Variants in EFNB3 observed in about 807,000 individuals in gnomAD.
EFNB3 encodes ephrin B3.
A neutral mutation model predicts 29.8 loss-of-function variants in EFNB3; 14 were observed. That is an observed-to-expected ratio of 0.47 (90% CI 0.31 to 0.73). The LOEUF is 0.73. Ranked by LOEUF, EFNB3 falls within the 30% of genes least tolerant of loss-of-function variation. The pLI, the probability that EFNB3 is intolerant of heterozygous loss-of-function variation, is 0.05. For missense variants in EFNB3, 408 were observed against 458.0 expected (o/e 0.89, Z 1.00); for synonymous variants, 216 against 191.6 (o/e 1.13, Z -1.05).
rs1032464473 is a variant in EFNB3 at position 7,705,939 on chromosome 17, A to G, written c.122+219A>G. Among the ~76,000 whole-genome samples, 44 of 151,444 alleles carry G rather than the reference A, an allele frequency of 2.9e-4. No homozygotes were observed. The highest frequency in any genetic ancestry group is 1.0e-3 in the African/African-American group (43 of 41,248). ...GGTGCTATGGATGTCAGGAGTTTGG[A>G]GACCCCAAAGGGGCAAGGAGAAGAA... On this transcript the variant is annotated intron_variant, in intron 1 of 4. Transcript: ENST00000226091. This position sits in a 1 kb window ranked among gnomAD's most constrained non-coding sequence, Gnocchi z 5.4.
Position 7,708,798 on chromosome 17 carries a change from C to G in EFNB3, c.613+59C>G. ...AGCTTCCTCTGCTCTCAGACCCCAG[C>G]TGCCCTGCCGTCACCCTCCCTCCCT... On this transcript the variant is annotated intron_variant, in intron 4 of 4. Transcript: ENST00000226091. The surrounding 1 kb of genome is among the most constrained non-coding windows in gnomAD (Gnocchi z 6.8). 2.1e-6 allele frequency: 3 copies of G among 1,438,138 alleles called. No individual in the cohort carries two copies. Among genetic ancestry groups the G allele is most frequent in the South Asian group, 2.8e-5 (2 of 72,690 alleles). The allele number at this position is 1,438,138 out of a possible 1,614,324, so 89.1% of individuals were successfully genotyped here. A position where few individuals can be genotyped will look rare whatever the true frequency, so the allele number is the denominator to read the frequency against.
chr17:7,710,035 A>C lies in EFNB3; in HGVS notation c.*459A>C. 4.4e-6 allele frequency: 1 copy of C among 226,092 alleles called. No individual in the cohort carries two copies. The highest frequency in any genetic ancestry group is 8.7e-6 in the Non-Finnish European group (1 of 114,702). The allele number at this position is 226,092 out of a possible 1,614,324, so 14.0% of individuals were successfully genotyped here. A position where few individuals can be genotyped will look rare whatever the true frequency, so the allele number is the denominator to read the frequency against. On this transcript the variant is annotated 3_prime_UTR_variant, in exon 5 of 5. Coordinates refer to ENST00000226091, the MANE Select transcript of EFNB3 (RefSeq NM_001406.4). Reference sequence around the variant, plus strand: ...TCTTCCCTAGCATCCTCCTCCCCACATCTCCTTTCACCCTCTTGGCTTCTT... The same window carrying C: ...TCTTCCCTAGCATCCTCCTCCCCACCTCTCCTTTCACCCTCTTGGCTTCTT...
rs1355283630 is a variant in EFNB3, at chr17:7,709,154, C to T, written c.614-13C>T. 6.3e-7 allele frequency: 1 copy of T among 1,594,792 alleles called. No homozygotes were observed. Among genetic ancestry groups the T allele is most frequent in the East Asian group, 2.2e-5 (1 of 44,638 alleles). ...CCCTCCCCCTCTTTCCTCCTTCACC[C>T]CTTCCCTGCCAGGTGACCCCACCAG... On this transcript the variant is annotated splice_polypyrimidine_tract_variant and intron_variant, in intron 4 of 4. Transcript: ENST00000226091. The surrounding 1 kb of genome is among the most constrained non-coding windows in gnomAD (Gnocchi z 4.5).
chr17:7,710,261 A>G lies in EFNB3; in HGVS notation c.*685A>G, dbSNP rs2074345234. ...ATTCTCTGGCCTGGCCCAGGCCTCT[A>G]CATACTTACTCCAGCCATTTGGGGT... is the stretch of plus-strand genomic sequence containing the variant. On this transcript the variant is annotated 3_prime_UTR_variant, in exon 5 of 5. Transcript: ENST00000226091. The G allele has an allele frequency of 6.4e-6, 1 of 155,890 alleles. No homozygotes were observed. Among genetic ancestry groups the G allele is most frequent in the African/African-American group, 2.4e-5 (1 of 41,484 alleles). The allele number at this position is 155,890 out of a possible 1,614,324, so 9.7% of individuals were successfully genotyped here.
In EFNB3 at chr17:7,709,743, T is replaced by G; in HGVS notation, c.*167T>G. On this transcript the variant is annotated 3_prime_UTR_variant, in exon 5 of 5. Transcript: ENST00000226091. This position sits in a 1 kb window ranked among gnomAD's most constrained non-coding sequence, Gnocchi z 4.5. ...TCTCCACTTTTAGGATTCCTTAGGA[T>G]TCCCACTGCCCCACTTCCTGCCCTC... 2 of 744,532 alleles carry G rather than the reference T, an allele frequency of 2.7e-6. No homozygotes were observed. The highest frequency in any genetic ancestry group is 3.1e-5 in the South Asian group (2 of 64,084). 46.1% of individuals were successfully genotyped at this position (744,532 alleles called of 1,614,324 possible).
At chr17:7,706,135 C>T (rs897525097) in intron 1 of EFNB3, among the ~76,000 whole-genome samples, 1 of 148,674 alleles carries the variant, frequency 6.7e-6, no homozygotes, top group African/African-American at 2.5e-5. Flanking sequence ...CTCCCTCCCC[C>T]AGAGGGACTG....
Position 7,709,365 on chromosome 17 carries a change from G to A in EFNB3, c.812G>A (p.Arg271Lys). The change falls in exon 5 of 5, where the codon AGG becomes AAG. Residue 271 changes from arginine (R) to lysine (K), a missense_variant. Coordinates refer to ENST00000226091, the MANE Select transcript of EFNB3 (RefSeq NM_001406.4). The surrounding 1 kb of genome is among the most constrained non-coding windows in gnomAD (Gnocchi z 4.5). ...SRHPGPGSFGRGGSLGLGGGG... is the reference protein window; with the variant it reads ...SRHPGPGSFGKGGSLGLGGGG... ...CACCCTGGTCCTGGCTCCTTCGGGA[G>A]GGGAGGGTCTCTGGGCCTGGGGGGT... 6.3e-7 allele frequency: 1 copy of A among 1,580,754 alleles called. No individual in the cohort carries two copies. The highest frequency in any genetic ancestry group is 1.2e-5 in the South Asian group (1 of 86,882).
Position 7,705,731 on chromosome 17 carries a change from T to G in EFNB3, c.122+11T>G, listed in dbSNP as rs775843595. The G allele has an allele frequency of 6.4e-7, 1 of 1,559,152 alleles. No homozygotes were observed. The highest frequency in any genetic ancestry group is 1.2e-5 in the South Asian group (1 of 84,208). On this transcript the variant is annotated intron_variant, in intron 1 of 4. Coordinates refer to ENST00000226091, the MANE Select transcript of EFNB3 (RefSeq NM_001406.4). This position sits in a 1 kb window ranked among gnomAD's most constrained non-coding sequence, Gnocchi z 5.4. The stretch of plus-strand genomic sequence containing the variant: ...CTCGGCGAATAAGAGGTGAGTGGCC[T>G]GCGGCTGGGGAGATCCCAGACCCTA...
rs1013397038 is a variant in EFNB3 at position 7,705,807 on chromosome 17, A to C, written c.122+87A>C. 6.9e-6 allele frequency: 10 copies of C among 1,455,114 alleles called. No individual in the cohort carries two copies. Among genetic ancestry groups the C allele is most frequent in the Non-Finnish European group, 8.2e-6 (9 of 1,102,208 alleles). 90.1% of individuals were successfully genotyped at this position (1,455,114 alleles called of 1,614,324 possible). ...GGCTTGGAGGCGGGCTTCTGTGGGC[A>C]GGGAGGAGGCGGGAGGGAAGGTGCT... On this transcript the variant is annotated intron_variant, in intron 1 of 4. Coordinates refer to ENST00000226091, the MANE Select transcript of EFNB3 (RefSeq NM_001406.4). This position sits in a 1 kb window ranked among gnomAD's most constrained non-coding sequence, Gnocchi z 5.4.
chr17:7,705,553 G>T lies in EFNB3; in HGVS notation c.-46G>T. 1.7e-6 allele frequency: 2 copies of T among 1,202,230 alleles called. No homozygotes were observed. The highest frequency in any genetic ancestry group is 2.2e-6 in the Non-Finnish European group (2 of 900,168). 74.5% of individuals were successfully genotyped at this position (1,202,230 alleles called of 1,614,324 possible). On this transcript the variant is annotated 5_prime_UTR_variant, in exon 1 of 5. Coordinates refer to ENST00000226091, the MANE Select transcript of EFNB3 (RefSeq NM_001406.4). The surrounding 1 kb of genome is among the most constrained non-coding windows in gnomAD (Gnocchi z 5.4). ...AAGGCAGCCACCCCGGGGGGTGGGCGACTTTGGGGGAGTTGGTGCCCCGCC... is the reference window on the plus strand; with the variant it reads ...AAGGCAGCCACCCCGGGGGGTGGGCTACTTTGGGGGAGTTGGTGCCCCGCC...
chr17:7,709,451 G>A lies in EFNB3; in HGVS notation c.898G>A (p.Gly300Ser). 3.1e-6 allele frequency: 5 copies of A among 1,613,640 alleles called. No homozygotes were observed. The highest frequency in any genetic ancestry group is 4.2e-6 in the Non-Finnish European group (5 of 1,179,744). ...PGELGIALRG[G>S]GAADPPFCPH... ...GGAGCTAGGGATAGCTCTGCGGGGT[G>A]GCGGGGCTGCAGATCCCCCCTTCTG... Residue 300 changes from glycine to serine, a missense_variant, in exon 5 of 5, where the codon GGC becomes AGC. Coordinates refer to ENST00000226091, the MANE Select transcript of EFNB3 (RefSeq NM_001406.4). This position sits in a 1 kb window ranked among gnomAD's most constrained non-coding sequence, Gnocchi z 4.5.
chr17:7,705,604 G>T lies in EFNB3; in HGVS notation c.6G>T (p.Gly2=). 1 of 1,478,378 alleles carries T rather than the reference G, an allele frequency of 6.8e-7. No individual in the cohort carries two copies. The highest frequency in any genetic ancestry group is 8.9e-7 in the Non-Finnish European group (1 of 1,125,230). The allele number at this position is 1,478,378 out of a possible 1,614,324, so 91.6% of individuals were successfully genotyped here. Residue 2 remains glycine (G), a synonymous_variant, in exon 1 of 5, where the codon GGG becomes GGT. Coordinates refer to ENST00000226091, the MANE Select transcript of EFNB3 (RefSeq NM_001406.4). This position sits in a 1 kb window ranked among gnomAD's most constrained non-coding sequence, Gnocchi z 5.4. ...CCCCAGGCCTTGGCGGGGTCATGGG[G>T]CCCCCCCATTCTGGGCCGGGGGGCG... M[G]PPHSGPGGVR...
At position 7,705,578 on chromosome 17, in the gene EFNB3, C is replaced by T; in HGVS notation, c.-21C>T. The T allele has an allele frequency of 7.3e-7, 1 of 1,371,396 alleles. No homozygotes were observed. The highest frequency in any genetic ancestry group is 9.6e-7 in the Non-Finnish European group (1 of 1,038,958). The allele number at this position is 1,371,396 out of a possible 1,614,324, so 85.0% of individuals were successfully genotyped here. On this transcript the variant is annotated 5_prime_UTR_variant, in exon 1 of 5. Transcript: ENST00000226091. This position sits in a 1 kb window ranked among gnomAD's most constrained non-coding sequence, Gnocchi z 5.4. ...GACTTTGGGGGAGTTGGTGCCCCGC[C>T]CCCCAGGCCTTGGCGGGGTCATGGG...
At chr17:7,706,109 A>G (rs941667042) in intron 1 of EFNB3, among the ~76,000 whole-genome samples, 3 of 150,266 alleles carry the variant, frequency 2.0e-5, no homozygotes, top group Non-Finnish European at 1.5e-5. Flanking sequence ...GCTGAGGGGA[A>G]GGCAGGGCAG....
chr17:7,709,879 C>A lies in EFNB3; in HGVS notation c.*303C>A. The stretch of plus-strand genomic sequence containing the variant: ...GACCATGACCCAGGCATCCTTGTCC[C>A]CCTCACCCACCCAGAGCTAGGGGCG... On this transcript the variant is annotated 3_prime_UTR_variant, in exon 5 of 5. Coordinates refer to ENST00000226091, the MANE Select transcript of EFNB3 (RefSeq NM_001406.4). The surrounding 1 kb of genome is among the most constrained non-coding windows in gnomAD (Gnocchi z 4.5). The A allele has an allele frequency of 2.0e-6, 1 of 492,500 alleles. No individual in the cohort carries two copies. Among genetic ancestry groups the A allele is most frequent in the South Asian group, 2.4e-5 (1 of 42,084 alleles). The allele number at this position is 492,500 out of a possible 1,614,324, so 30.5% of individuals were successfully genotyped here. A position where few individuals can be genotyped will look rare whatever the true frequency, so the allele number is the denominator to read the frequency against.
In EFNB3 at chr17:7,708,561, A is replaced by T. The variant is rs1336830784; in HGVS notation, c.508+34A>T. 6.2e-7 allele frequency: 1 copy of T among 1,607,034 alleles called. No homozygotes were observed. Among genetic ancestry groups the T allele is most frequent in the South Asian group, 1.1e-5 (1 of 89,760 alleles). ...GGCTGGGGGACACCTCCTGGGCACG[A>T]AGGGACGTTGGGGCAGTACGATCAT... On this transcript the variant is annotated intron_variant, in intron 3 of 4. Coordinates refer to ENST00000226091, the MANE Select transcript of EFNB3 (RefSeq NM_001406.4). This position sits in a 1 kb window ranked among gnomAD's most constrained non-coding sequence, Gnocchi z 6.8.
rs2074342034 is a variant in EFNB3 at position 7,709,580 on chromosome 17, C to T, written c.*4C>T. The T allele has an allele frequency of 6.2e-7, 1 of 1,613,828 alleles. No homozygotes were observed. The highest frequency in any genetic ancestry group is 1.3e-5 in the African/African-American group (1 of 75,008). On this transcript the variant is annotated 3_prime_UTR_variant, in exon 5 of 5. Coordinates refer to ENST00000226091, the MANE Select transcript of EFNB3 (RefSeq NM_001406.4). This position sits in a 1 kb window ranked among gnomAD's most constrained non-coding sequence, Gnocchi z 4.5. ...AAACATCTACTACAAGGTATGAGGG[C>T]TCCTCTCACGTGGCTATCCTGAATC...
At position 7,709,650 on chromosome 17, in the gene EFNB3, G is replaced by GT; in HGVS notation, c.*74_*75insT. ...CCTCCAGTTTAATTCCTGGTTTGAG[G>GT]GACACCTCTAACATCTCGGCCCCCT... On this transcript the variant is annotated 3_prime_UTR_variant, in exon 5 of 5. Transcript: ENST00000226091. The surrounding 1 kb of genome is among the most constrained non-coding windows in gnomAD (Gnocchi z 4.5). The GT allele has an allele frequency of 6.3e-7, 1 of 1,576,852 alleles. No individual in the cohort carries two copies. The highest frequency in any genetic ancestry group is 8.7e-7 in the Non-Finnish European group (1 of 1,153,924).
At chr17:7,707,921 C>G (rs754844066) in intron 1 of EFNB3, 37 bp from the exon 2 acceptor site, 1 of 1,563,070 alleles carries the variant, frequency 6.4e-7, no homozygotes, top group Non-Finnish European at 8.7e-7. Context: ...AGGCCTCTGA[C>G]ATCTCTTCCT....
Sources: gnomAD v4.1 joint callset for allele counts (sites outside exome capture counted in the v4.1 genomes callset) on GRCh38, gnomAD v4.1.1 for gene constraint, Gnocchi (gnomAD v3.1) non-coding constraint, MANE v1.5 for transcripts, NCBI Gene and HGNC (gene_info 2026-07-23, HGNC 2026-07-21) for gene names.